Variants in CTIF observed in about 807,000 individuals in gnomAD.
CTIF encodes the protein CBP80/20-dependent translation initiation factor.
In CTIF, 21 loss-of-function variants were observed where a neutral mutation model predicts 66.0. The observed-to-expected ratio is 0.32, with a 90% CI of 0.23 to 0.46. CTIF has a LOEUF of 0.46. Ranked by LOEUF, CTIF falls within the 20% of genes least tolerant of loss-of-function variation. The probability of loss-of-function intolerance (pLI) is 1.00; values close to 1 mark genes in which losing one functional copy is unlikely to be tolerated. For missense variants in CTIF, 739 were observed against 812.7 expected, an observed-to-expected ratio of 0.91 and a Z score of 1.10; for synonymous variants, 345 against 326.4, an observed-to-expected ratio of 1.06 and a Z score of -0.62.
At chr18:48,720,430 C>T (rs1449627596) in intron 7 of CTIF, among the ~76,000 whole-genome samples, 2 of 152,126 alleles carry the variant, frequency 1.3e-5, no homozygotes, top group African/African-American at 4.8e-5. Flanking sequence ...GTCATCCGAG[C>T]CCAGGGACCG....
chr18:48,718,257 A>C (rs1376351304), intron 7 of CTIF, among the ~76,000 whole-genome samples: 1 of 152,216 alleles, frequency 6.6e-6, no homozygotes, highest in Non-Finnish European at 1.5e-5. Context: ...TAGACTGTGT[A>C]TACCTAGCTA....
chr18:48,840,104 C>G (rs1340917407), intron 10 of CTIF, among the ~76,000 whole-genome samples: 1 of 152,148 alleles, frequency 6.6e-6, no homozygotes, highest in Middle Eastern at 3.2e-3. Context: ...GGAAGGCTTC[C>G]TGGATGAGGC....
At chr18:48,776,057 T>C (rs1910639725) in intron 9 of CTIF, among the ~76,000 whole-genome samples, 1 of 152,230 alleles carries the variant, frequency 6.6e-6, no homozygotes, top group African/African-American at 2.4e-5. Context: ...GGGCCGTCTT[T>C]TGCAGGTGGC....
At chr18:48,740,437 C>T (rs1040505907) in intron 7 of CTIF, among the ~76,000 whole-genome samples, 1 of 152,250 alleles carries the variant, frequency 6.6e-6, no homozygotes, top group East Asian at 1.9e-4. Context: ...GTGTCTCCAT[C>T]GGCTGGGCCT....
chr18:48,549,000 C>T (rs867156192), intron 1 of CTIF, among the ~76,000 whole-genome samples: 1 of 151,458 alleles, frequency 6.6e-6, no homozygotes, highest in Non-Finnish European at 1.5e-5. Context: ...TTTTTTTTTC[C>T]AATGGATAAT....
chr18:48,594,638 A>C (rs2089957084), intron 1 of CTIF, among the ~76,000 whole-genome samples: 1 of 152,148 alleles, frequency 6.6e-6, no homozygotes, highest in Non-Finnish European at 1.5e-5. Flanking sequence ...CACCAGGTGC[A>C]CGTTGTGACC....
At position 48,862,195 on chromosome 18, in the gene CTIF, CTGTGGCA is replaced by C. The variant is rs1235472213; in HGVS notation, c.*2639_*2645del. On this transcript the variant is annotated 3_prime_UTR_variant, in exon 12 of 12. Transcript: ENST00000256413. ...CCCCCTCCCCAAGTCCATCCCCTCT[CTGTGGCA>C]TGAGGAAGGCCGCGTCCGAGTTGAC... The C allele has an allele frequency of 6.6e-6, 1 of 152,266 alleles. No individual in the cohort carries two copies. Among genetic ancestry groups the C allele is most frequent in the East Asian group, 1.9e-4 (1 of 5,186 alleles). 9.4% of individuals were successfully genotyped at this position (152,266 alleles called of 1,614,324 possible). A position where few individuals can be genotyped will look rare whatever the true frequency, so the allele number is the denominator to read the frequency against.
chr18:48,639,998 G>A (rs71355351), intron 3 of CTIF, among the ~76,000 whole-genome samples: 10,953 of 152,268 alleles, frequency 0.072, 447 homozygotes, highest in South Asian at 0.099. Flanking sequence ...CCATGTAGCT[G>A]GCCTGTGGCA....
chr18:48,770,288 G>A (rs2145956101), intron 9 of CTIF, among the ~76,000 whole-genome samples: 1 of 152,336 alleles, frequency 6.6e-6, no homozygotes, highest in Non-Finnish European at 1.5e-5. Context: ...AAAACCAAGT[G>A]CCCAGCTTCC....
intron 6 of CTIF, among the ~76,000 whole-genome samples, chr18:48,679,377 A>G (rs1244581733): frequency 1.3e-5 from 2 of 152,200 alleles, no homozygotes; most frequent in African/African-American, 2.4e-5. Context: ...ATGTGGCCTC[A>G]TGAAGTGGTA....
At chr18:48,857,761 T>A (rs1330505972) in intron 11 of CTIF, 120 bp downstream of exon 11, 1 of 881,838 alleles carries the variant, frequency 1.1e-6, no homozygotes, top group African/African-American at 1.7e-5. Flanking sequence ...GGTAGGTGGA[T>A]GGCTTCAGGA....
chr18:48,849,188 T>A (rs1053846220), intron 10 of CTIF, among the ~76,000 whole-genome samples: 2 of 140,030 alleles, frequency 1.4e-5, no homozygotes, highest in Admixed American at 1.4e-4. Context: ...CTCCTACCAA[T>A]GCCTTTTTTT....
Position 48,670,718 on chromosome 18 carries a change from A to T in CTIF, c.481A>T (p.Ile161Phe). 3.7e-6 allele frequency: 6 copies of T among 1,614,182 alleles called. No homozygotes were observed. The highest frequency in any genetic ancestry group is 5.1e-6 in the Non-Finnish European group (6 of 1,180,010). Residue 161 changes from isoleucine to phenylalanine, a missense_variant, in exon 6 of 12, where the codon ATC (isoleucine) becomes TTC (phenylalanine). Physicochemically the swap from Ile to Phe is conservative, Grantham distance 21. Around this residue, in one of 2 missense-constraint regions of CTIF, gnomAD observed 529 missense variants for 520.3 expected, o/e 1.02. Transcript: ENST00000256413. ...TGGGGATGGCATCAACCTGAATGACATCGAGAAGGTCCTTCCAGCCTGGCA... is the reference window on the plus strand; with the variant it reads ...TGGGGATGGCATCAACCTGAATGACTTCGAGAAGGTCCTTCCAGCCTGGCA... Reference protein sequence around the residue: ...EDGDGINLNDIEKVLPAWQGY... With the variant: ...EDGDGINLNDFEKVLPAWQGY...
At chr18:48,746,295 C>T (rs990320922) in intron 7 of CTIF, among the ~76,000 whole-genome samples, 3 of 152,032 alleles carry the variant, frequency 2.0e-5, no homozygotes, top group African/African-American at 7.2e-5. Flanking sequence ...TGCCTGCTCT[C>T]AGAGGTGCCC....
chr18:48,639,120 G>A (rs1223753852), intron 3 of CTIF, among the ~76,000 whole-genome samples: 6 of 152,230 alleles, frequency 3.9e-5, no homozygotes, highest in South Asian at 2.1e-4. Context: ...AGTCTGCGAC[G>A]CCCATGCCTG....
chr18:48,616,072 C>T (rs1043986331), intron 1 of CTIF, among the ~76,000 whole-genome samples: 8 of 152,202 alleles, frequency 5.3e-5, no homozygotes, highest in Admixed American at 3.3e-4. Context: ...CCCGCAGAGC[C>T]GGCCAGAGGC....
At position 48,602,751 on chromosome 18, in the gene CTIF, C is replaced by G. The variant is rs138485404; in HGVS notation, c.-28-16787C>G. 3.7e-4 allele frequency among the ~76,000 whole-genome samples: 56 copies of G among 152,276 alleles called. No homozygotes were observed. The East Asian group carries it at 7.7e-3, about 21-fold the overall frequency. On this transcript the variant is annotated intron_variant, in intron 1 of 11. Coordinates refer to ENST00000256413, the MANE Select transcript of CTIF (RefSeq NM_014772.3). ...GTTTTGTGTCCGTAACATTCAATAC[C>G]AAGCTTGAGTTAGTGTTTTTTAAAT...
chr18:48,663,507 G>C (rs1489661399), intron 3 of CTIF, among the ~76,000 whole-genome samples: 1 of 152,068 alleles, frequency 6.6e-6, no homozygotes, highest in Non-Finnish European at 1.5e-5. Flanking sequence ...GAGAGCCATG[G>C]GCCTGGGGCA....
At chr18:48,742,449 C>T (rs1458167042) in intron 7 of CTIF, among the ~76,000 whole-genome samples, 2 of 152,230 alleles carry the variant, frequency 1.3e-5, no homozygotes, top group African/African-American at 4.8e-5. Context: ...AGAGGCTGAA[C>T]CTGCCACAGG....
Sources: allele counts gnomAD v4.1 joint callset (sites outside exome capture counted in the v4.1 genomes callset), GRCh38; gene constraint gnomAD v4.1.1; regional missense constraint gnomAD v4.1.1; transcripts MANE v1.5; gene names NCBI Gene and HGNC (gene_info 2026-07-23, HGNC 2026-07-21).